The following ITGA9 variants were observed in gnomAD, a reference collection of about 807,000 sequenced individuals.
ITGA9 encodes the protein integrin alpha-9.
A neutral mutation model predicts 127.8 loss-of-function variants in ITGA9; 56 were observed. The ratio of observed to expected loss-of-function variants is 0.44; its 90% CI spans 0.35 to 0.55. ITGA9 has a LOEUF of 0.55. Ranked by LOEUF, ITGA9 falls within the 20% of genes least tolerant of loss-of-function variation. The pLI is 0.00. For missense variants in ITGA9, 1,196 were observed against 1,347.1 expected (o/e 0.89, Z 1.76); for synonymous variants, 508 against 514.5 (o/e 0.99, Z 0.17).
chr3:37,485,963 C>T (rs1200032456), intron 4 of ITGA9, among the ~76,000 whole-genome samples: 5 of 152,076 alleles, frequency 3.3e-5, no homozygotes, highest in East Asian at 1.9e-4. Context: ...TTTGGTGGGA[C>T]GATGTATAGG....
At chr3:37,563,459 T>C (rs547410970) in intron 15 of ITGA9, among the ~76,000 whole-genome samples, 2 of 152,052 alleles carry the variant, frequency 1.3e-5, no homozygotes, top group South Asian at 4.1e-4. Flanking sequence ...CGGCTGGCAC[T>C]CAGCCCACAC....
intron 18 of ITGA9, among the ~76,000 whole-genome samples, chr3:37,703,667 A>AACAG (rs1279852912): frequency 6.6e-6 from 1 of 152,222 alleles, no homozygotes. Context: ...AATAAGCAGA[A>AACAG]AGCTTGCACT....
At chr3:37,737,382 C>T (rs2125531145) in intron 20 of ITGA9, among the ~76,000 whole-genome samples, 1 of 152,300 alleles carries the variant, frequency 6.6e-6, no homozygotes, top group South Asian at 2.1e-4. Flanking sequence ...GTGCTGTATC[C>T]CTTGATGGAG....
At position 37,658,193 on chromosome 3, in the gene ITGA9, T is replaced by C. The variant is rs559406391; in HGVS notation, c.1916+4403T>C. Among the ~76,000 whole-genome samples, 9 of 152,340 alleles carry C rather than the reference T, an allele frequency of 5.9e-5. No homozygotes were observed. In the South Asian group the frequency reaches 1.0e-3, roughly 18 times the overall value. ...GATTTGGGGTGGAAAGTTCTGTAGATGTCTATTAGGTCTGCTTGGTCCAGA... is the reference window on the plus strand; with the variant it reads ...GATTTGGGGTGGAAAGTTCTGTAGACGTCTATTAGGTCTGCTTGGTCCAGA... On this transcript the variant is annotated intron_variant, in intron 17 of 27. Coordinates refer to ENST00000264741, the MANE Select transcript of ITGA9 (RefSeq NM_002207.3).
chr3:37,666,893 T>C (rs1316723803), intron 17 of ITGA9, among the ~76,000 whole-genome samples: 4 of 152,134 alleles, frequency 2.6e-5, no homozygotes, highest in Non-Finnish European at 5.9e-5. Context: ...ATCTGAGAAG[T>C]GAAGGAGCTG....
chr3:37,653,639 A>G (rs1363502861), intron 16 of ITGA9, 75 bp from the exon 17 acceptor site: 8 of 1,076,332 alleles, frequency 7.4e-6, no homozygotes, highest in Non-Finnish European at 2.9e-6. Flanking sequence ...CTGATTTGCA[A>G]GAAAGGAATT....
chr3:37,646,989 C>A (rs150148206), intron 16 of ITGA9, among the ~76,000 whole-genome samples: 1 of 152,014 alleles, frequency 6.6e-6, no homozygotes, highest in East Asian at 1.9e-4. Context: ...CAGAGAGATG[C>A]CTTTCAGTTC....
intron 3 of ITGA9, among the ~76,000 whole-genome samples, chr3:37,478,177 C>T (rs576851636): frequency 1.1e-4 from 17 of 152,318 alleles, no homozygotes; most frequent in African/African-American, 4.1e-4. Context: ...CATGGCATCT[C>T]AGCCTCTCTG....
chr3:37,761,186 C>A (rs907789328), intron 23 of ITGA9, among the ~76,000 whole-genome samples: 2 of 152,080 alleles, frequency 1.3e-5, no homozygotes, highest in African/African-American at 4.8e-5. Context: ...TTTTTCTCCT[C>A]ATTAAACTGG....
chr3:37,699,012 C>G (rs1700917705), intron 18 of ITGA9, among the ~76,000 whole-genome samples: 1 of 152,188 alleles, frequency 6.6e-6, no homozygotes, highest in South Asian at 2.1e-4. Flanking sequence ...GGATACTTTT[C>G]TTCTCCTGTG....
intron 26 of ITGA9, among the ~76,000 whole-genome samples, chr3:37,788,358 G>A (rs145933988): frequency 3.5e-3 from 530 of 152,122 alleles, no homozygotes; most frequent in Middle Eastern, 6.8e-3. Context: ...GCCTGGTTAG[G>A]TCATAAACTA....
Position 37,597,155 on chromosome 3 carries a change from T to C in ITGA9, c.1690-32032T>C, listed in dbSNP as rs1378955464. On this transcript the variant is annotated intron_variant, in intron 15 of 27. Coordinates refer to ENST00000264741, the MANE Select transcript of ITGA9 (RefSeq NM_002207.3). The surrounding 1 kb of genome is among the most constrained non-coding windows in gnomAD (Gnocchi z 4.6). ...AATGAAATTTGGAGTTTTTCACTAA[T>C]ACGCAGGACTGGTCATTTTGATACT... 6.6e-6 allele frequency among the ~76,000 whole-genome samples: 1 copy of C among 152,196 alleles called. No individual in the cohort carries two copies. The highest frequency in any genetic ancestry group is 2.4e-5 in the African/African-American group (1 of 41,444).
At chr3:37,578,121 G>A (rs773418856) in intron 15 of ITGA9, among the ~76,000 whole-genome samples, 150 of 152,286 alleles carry the variant, frequency 9.8e-4, no homozygotes, top group Non-Finnish European at 1.9e-3. Flanking sequence ...GTGGGAGGCT[G>A]CAGTTGAGAG....
intron 15 of ITGA9, among the ~76,000 whole-genome samples, chr3:37,615,325 C>G (rs895442609): frequency 2.0e-5 from 3 of 152,178 alleles, no homozygotes; most frequent in African/African-American, 7.2e-5. Context: ...CCCACTTGAT[C>G]GTGGTGGATA....
At chr3:37,625,402 C>G (rs563247442) in intron 15 of ITGA9, among the ~76,000 whole-genome samples, 55 of 152,322 alleles carry the variant, frequency 3.6e-4, no homozygotes, top group African/African-American at 1.2e-3. Context: ...GTTAAGTTCC[C>G]TATAAAACCT....
At chr3:37,627,289 G>A (rs1282008715) in intron 15 of ITGA9, among the ~76,000 whole-genome samples, 2 of 152,096 alleles carry the variant, frequency 1.3e-5, no homozygotes, top group African/African-American at 2.4e-5. Flanking sequence ...CCTTTGCCTG[G>A]TCTCCCATGC....
chr3:37,810,348 T>C (rs929327817), intron 27 of ITGA9, among the ~76,000 whole-genome samples: 1 of 152,098 alleles, frequency 6.6e-6, no homozygotes, highest in African/African-American at 2.4e-5. Context: ...CAAAGAGTAG[T>C]AGGTCCCTAC....
chr3:37,646,267 A>G (rs375752570), intron 16 of ITGA9, among the ~76,000 whole-genome samples: 15 of 152,374 alleles, frequency 9.8e-5, no homozygotes, highest in African/African-American at 3.1e-4. Context: ...AGAGTTGAGT[A>G]GTGTGACTGA....
rs115863526 is a variant in ITGA9, at chr3:37,510,369, C to G, written c.897+1742C>G. Among the ~76,000 whole-genome samples the G allele has an allele frequency of 2.0e-3, 301 of 152,236 alleles. 2 individuals carry two copies. The highest frequency in any genetic ancestry group is 6.5e-3 in the African/African-American group (271 of 41,538). On this transcript the variant is annotated intron_variant, in intron 8 of 27. Coordinates refer to ENST00000264741, the MANE Select transcript of ITGA9 (RefSeq NM_002207.3). ...TTATGTTCAGTTGTAGCTGTGCCCCCCCAAACTGCTTTTCCTTCCCTGCCC... is the reference window on the plus strand; with the variant it reads ...TTATGTTCAGTTGTAGCTGTGCCCCGCCAAACTGCTTTTCCTTCCCTGCCC...
Sources: gnomAD v4.1 joint callset for allele counts (sites outside exome capture counted in the v4.1 genomes callset) on GRCh38, gnomAD v4.1.1 for gene constraint, Gnocchi (gnomAD v3.1) non-coding constraint, MANE v1.5 for transcripts, NCBI Gene and HGNC (gene_info 2026-07-23, HGNC 2026-07-21) for gene names.